ARHGAP15: variants seen among roughly 807,000 people sequenced by gnomAD.
ARHGAP15 encodes the protein Rho GTPase activating protein 15.
A neutral mutation model predicts 63.7 loss-of-function variants in ARHGAP15; 51 were observed. The observed-to-expected ratio is 0.80, with a 90% confidence interval of 0.64 to 1.01. The LOEUF (loss-of-function observed/expected upper bound fraction) is 1.01, where lower values mean the gene tolerates loss of function less well. Ranked by LOEUF, ARHGAP15 falls within the 50% of genes least tolerant of loss-of-function variation. The pLI is 0.00. For synonymous variants in ARHGAP15, 191 were observed against 193.8 expected (o/e 0.99, Z 0.12); for missense variants, 560 against 564.6 (o/e 0.99, Z 0.08).
intron 6 of ARHGAP15, among the ~76,000 whole-genome samples, chr2:143,427,634 T>A (rs986264974): frequency 1.3e-5 from 2 of 152,012 alleles, no homozygotes; most frequent in Admixed American, 6.6e-5. Context: ...TTTAGAGATA[T>A]GCATTGAAAT....
chr2:143,535,792 C>G (rs894610722), intron 10 of ARHGAP15, among the ~76,000 whole-genome samples: 10 of 152,176 alleles, frequency 6.6e-5, no homozygotes, highest in Admixed American at 6.5e-4. Flanking sequence ...CCTTTATTTA[C>G]ATTTCATACA....
At chr2:143,333,695 C>T (rs956102294) in intron 6 of ARHGAP15, among the ~76,000 whole-genome samples, 3 of 152,048 alleles carry the variant, frequency 2.0e-5, no homozygotes, top group Non-Finnish European at 4.4e-5. Flanking sequence ...TGTATAGCAC[C>T]GGCTAAGAGC....
intron 11 of ARHGAP15, among the ~76,000 whole-genome samples, chr2:143,565,729 T>G: frequency 6.6e-6 from 1 of 152,166 alleles, no homozygotes; most frequent in East Asian, 1.9e-4. Flanking sequence ...TGGTATCTTG[T>G]TAGTAATTGA....
At chr2:143,706,185 A>AT (rs1463193077) in intron 13 of ARHGAP15, among the ~76,000 whole-genome samples, 2 of 152,096 alleles carry the variant, frequency 1.3e-5, no homozygotes, top group African/African-American at 2.4e-5. Flanking sequence ...CTTGTTAAGC[A>AT]TTTTTTTGCT....
chr2:143,533,337 C>T (rs1159157809), intron 10 of ARHGAP15: 1 of 152,128 alleles, frequency 6.6e-6, no homozygotes, highest in Non-Finnish European at 1.5e-5. Flanking sequence ...TCTCACGGGG[C>T]AAAATACGGG....
intron 11 of ARHGAP15, among the ~76,000 whole-genome samples, chr2:143,602,963 C>G (rs1470433378): frequency 6.6e-6 from 1 of 152,146 alleles, no homozygotes; most frequent in Non-Finnish European, 1.5e-5. Flanking sequence ...TAGGCGTACT[C>G]TAATCTTGCC....
At chr2:143,207,033 C>A (rs1574090943) in intron 3 of ARHGAP15, among the ~76,000 whole-genome samples, 1 of 151,222 alleles carries the variant, frequency 6.6e-6, no homozygotes, top group African/African-American at 2.4e-5. Context: ...TATATAAAAT[C>A]CAAATTATAG....
chr2:143,546,769 TAAAAG>T (rs1327730549), intron 10 of ARHGAP15, among the ~76,000 whole-genome samples: 4 of 152,280 alleles, frequency 2.6e-5, no homozygotes, highest in African/African-American at 9.6e-5. Context: ...AACTACAACA[TAAAAG>T]AAACTCAGAG....
chr2:143,681,619 C>A (rs1169833787), intron 12 of ARHGAP15, among the ~76,000 whole-genome samples: 1 of 152,158 alleles, frequency 6.6e-6, no homozygotes, highest in Non-Finnish European at 1.5e-5. Flanking sequence ...CATCCAGATT[C>A]TCTATAAATA....
intron 6 of ARHGAP15, among the ~76,000 whole-genome samples, chr2:143,422,770 C>A (rs911064550): frequency 6.6e-6 from 1 of 152,050 alleles, no homozygotes; most frequent in African/African-American, 2.4e-5. Context: ...AGATGCTCTG[C>A]AGAGCCCCAG....
At chr2:143,505,141 C>T (rs1196764465) in intron 9 of ARHGAP15, among the ~76,000 whole-genome samples, 1 of 152,172 alleles carries the variant, frequency 6.6e-6, no homozygotes, top group Admixed American at 6.5e-5. Flanking sequence ...CAGGAGTTCA[C>T]AATTCTCCTG....
At chr2:143,235,363 C>G (rs1248640719) in intron 5 of ARHGAP15, among the ~76,000 whole-genome samples, 1 of 150,368 alleles carries the variant, frequency 6.7e-6, no homozygotes, top group Admixed American at 6.7e-5. Flanking sequence ...GGAGGGAGTG[C>G]AGGGGCATAA....
At chr2:143,152,498 T>C (rs1455245799) in intron 1 of ARHGAP15, among the ~76,000 whole-genome samples, 1 of 151,996 alleles carries the variant, frequency 6.6e-6, no homozygotes, top group East Asian at 1.9e-4. Flanking sequence ...ATTGATTGTT[T>C]CTCTATTGCC....
chr2:143,612,274 C>T (rs1053586313), intron 11 of ARHGAP15, among the ~76,000 whole-genome samples: 1 of 152,088 alleles, frequency 6.6e-6, no homozygotes, highest in African/African-American at 2.4e-5. Context: ...AACAGTGGTC[C>T]TCAGAGTTTA....
intron 8 of ARHGAP15, among the ~76,000 whole-genome samples, chr2:143,457,059 T>A (rs533853005): frequency 2.0e-5 from 3 of 152,238 alleles, no homozygotes; most frequent in East Asian, 3.9e-4. Context: ...ATTAGTGTGA[T>A]TATTTCACAA....
intron 2 of ARHGAP15, among the ~76,000 whole-genome samples, chr2:143,187,877 T>C (rs1292314579): frequency 6.6e-6 from 1 of 152,174 alleles, no homozygotes; most frequent in African/African-American, 2.4e-5. Flanking sequence ...AAGTTTCTTT[T>C]TAAAATGATA....
intron 12 of ARHGAP15, among the ~76,000 whole-genome samples, chr2:143,649,204 C>T (rs1258159827): frequency 6.6e-6 from 1 of 151,936 alleles, no homozygotes; most frequent in African/African-American, 2.4e-5. Flanking sequence ...TAACCAGTTG[C>T]ATAACCAGCA....
intron 8 of ARHGAP15, among the ~76,000 whole-genome samples, chr2:143,438,347 T>C (rs962808862): frequency 6.6e-6 from 1 of 151,848 alleles, no homozygotes; most frequent in Non-Finnish European, 1.5e-5. Flanking sequence ...GAAATATATG[T>C]ATATACACAT....
rs149103133 is a variant in ARHGAP15 at position 143,265,022 on chromosome 2, G to T, written c.474+14422G>T. Among the ~76,000 whole-genome samples, 647 of 152,170 alleles carry T rather than the reference G, an allele frequency of 4.3e-3. 3 individuals carry two copies. The highest frequency in any genetic ancestry group is 0.015 in the African/African-American group (604 of 41,512). On this transcript the variant is annotated intron_variant, in intron 6 of 13. Transcript: ENST00000295095. ...TTCTAGGAAGGATGCCAGGTTACAC[G>T]GAATCATACCAGAGTCTTAGAATCA...
Sources: allele counts gnomAD v4.1 joint callset (sites outside exome capture counted in the v4.1 genomes callset), GRCh38; gene constraint gnomAD v4.1.1; transcripts MANE v1.5; gene names NCBI Gene and HGNC (gene_info 2026-07-23, HGNC 2026-07-21).